The following CLEC5A variants were observed in gnomAD, a reference collection of about 807,000 sequenced individuals.
CLEC5A encodes C-type lectin domain containing 5A, also known as C-type lectin domain family 5 member A.
CLEC5A carries 15 observed loss-of-function variants against 24.4 expected under a neutral mutation model. The observed-to-expected ratio is 0.62, with a 90% CI of 0.41 to 0.95. The LOEUF (loss-of-function observed/expected upper bound fraction) is 0.95, where lower values mean the gene tolerates loss of function less well. Ranked by LOEUF, CLEC5A falls within the 40% of genes least tolerant of loss-of-function variation. The pLI is 0.00. For synonymous variants in CLEC5A, 71 were observed against 72.6 expected, an observed-to-expected ratio of 0.98 and a Z score of 0.11; for missense variants, 211 against 224.0, an observed-to-expected ratio of 0.94 and a Z score of 0.37.
chr7:141,930,965 T>C (rs1218458763), intron 6 of CLEC5A, among the ~76,000 whole-genome samples: 7 of 152,196 alleles, frequency 4.6e-5, no homozygotes, highest in Admixed American at 4.6e-4. Flanking sequence ...GGAAGCCCAG[T>C]TACAGGCTGG....
rs540126696 is a variant in CLEC5A, at chr7:141,944,934, G to A, written c.139+407C>T. ...GTTGATACTAAGATAAATGAGAAAC[G>A]GTCTTTCTCCTAACGATGTCAGTAG... is the stretch of plus-strand genomic sequence containing the variant. On this transcript the variant is annotated intron_variant, in intron 3 of 6. Transcript: ENST00000546910. Among the ~76,000 whole-genome samples, 4 of 152,168 alleles carry A rather than the reference G, an allele frequency of 2.6e-5. No individual in the cohort carries two copies. In the South Asian group the frequency reaches 8.3e-4, roughly 32 times the overall value.
rs529039128 is a variant in CLEC5A, at chr7:141,943,487, A to T, written c.208+409T>A. On this transcript the variant is annotated intron_variant, in intron 4 of 6. Coordinates refer to ENST00000546910, the MANE Select transcript of CLEC5A (RefSeq NM_013252.3). ...GGCTTGTTAATGGGTACTAAAAAAT[A>T]GAAAGAATAAATAAGATCTAGTATT... Among the ~76,000 whole-genome samples, 56 of 152,248 alleles carry T rather than the reference A, an allele frequency of 3.7e-4. 1 individual carries two copies. In the South Asian group the frequency reaches 0.011, roughly 31 times the overall value.
At chr7:141,945,479 G>C (rs1802925771) in intron 2 of CLEC5A, 79 bp from the exon 3 acceptor site, 1 of 948,696 alleles carries the variant, frequency 1.1e-6, no homozygotes, top group African/African-American at 1.6e-5. Flanking sequence ...CAGCACAGGG[G>C]CTGCTAGGGT....
At position 141,928,247 on chromosome 7, in the gene CLEC5A, T is replaced by TG. The variant is rs1207669504; in HGVS notation, c.*1856dup. ...CCTGCACAGAAGTGTCTCCTAATCT[T>TG]GGGGGAAATTAAACTGTCTACTAAA... On this transcript the variant is annotated 3_prime_UTR_variant, in exon 7 of 7. Coordinates refer to ENST00000546910, the MANE Select transcript of CLEC5A (RefSeq NM_013252.3). 2.0e-5 allele frequency: 3 copies of TG among 152,588 alleles called. No individual in the cohort carries two copies. Among genetic ancestry groups the TG allele is most frequent in the Admixed American group, 6.5e-5 (1 of 15,276 alleles). 9.5% of individuals were successfully genotyped at this position (152,588 alleles called of 1,614,324 possible).
chr7:141,946,344 T>G, intron 1 of CLEC5A, 32 bp from the exon 2 acceptor site: 6 of 1,543,272 alleles, frequency 3.9e-6, no homozygotes, highest in Non-Finnish European at 4.4e-6. Context: ...AGCATCAGAA[T>G]TCGGGTACAA....
intron 6 of CLEC5A, 92 bp downstream of exon 6, chr7:141,931,628 G>C: frequency 1.3e-6 from 1 of 765,080 alleles, no homozygotes; most frequent in Non-Finnish European, 2.4e-6. Context: ...AAGTGTCAGC[G>C]TTTGAGCTAT....
chr7:141,939,427 A>T (rs1180167065), intron 4 of CLEC5A, among the ~76,000 whole-genome samples: 1 of 152,142 alleles, frequency 6.6e-6, no homozygotes, highest in African/African-American at 2.4e-5. Flanking sequence ...AAAAATATAC[A>T]GTAGATATAT....
Position 141,943,893 on chromosome 7 carries a change from T to G in CLEC5A, c.208+3A>C, listed in dbSNP as rs1463575085. ...GGGAGTAGGTTGTAATCATGCACTT[T>G]ACCTGTTCCATAGCTCCTTGTGGTA... is the stretch of plus-strand genomic sequence containing the variant. On this transcript the variant is annotated splice_donor_region_variant and intron_variant, in intron 4 of 6. Transcript: ENST00000546910. 2 of 1,597,034 alleles carry G rather than the reference T, an allele frequency of 1.3e-6. No individual in the cohort carries two copies. The highest frequency in any genetic ancestry group is 3.3e-5 in the Admixed American group (2 of 59,954).
At chr7:141,946,570 G>C (rs1802964825) in intron 1 of CLEC5A, among the ~76,000 whole-genome samples, 1 of 152,134 alleles carries the variant, frequency 6.6e-6, no homozygotes, top group African/African-American at 2.4e-5. Context: ...TGCCCTATTT[G>C]TGGCCTCCTA....
At chr7:141,938,271 A>G (rs1418648104) in intron 4 of CLEC5A, among the ~76,000 whole-genome samples, 1 of 152,192 alleles carries the variant, frequency 6.6e-6, no homozygotes, top group Admixed American at 6.5e-5. Flanking sequence ...AAAGAAATTC[A>G]AGATAACACA....
intron 5 of CLEC5A, among the ~76,000 whole-genome samples, chr7:141,934,877 T>G (rs6943066): frequency 0.027 from 4,119 of 152,232 alleles, 179 homozygotes; most frequent in African/African-American, 0.094. Flanking sequence ...TACATGGATG[T>G]GTTTTGGTCA....
intron 4 of CLEC5A, among the ~76,000 whole-genome samples, chr7:141,937,603 CT>C (rs1554441260): frequency 6.6e-6 from 1 of 152,248 alleles, no homozygotes; most frequent in African/African-American, 2.4e-5. Context: ...GTGGAACTCA[CT>C]GCCCTGAAGG....
intron 4 of CLEC5A, 78 bp downstream of exon 4, chr7:141,943,818 G>A: frequency 9.9e-7 from 1 of 1,007,026 alleles, no homozygotes; most frequent in South Asian, 1.3e-5. Context: ...TAAGAATAAA[G>A]ACAATGGGAG....
At chr7:141,935,096 G>A (rs1172868163) in intron 5 of CLEC5A, among the ~76,000 whole-genome samples, 1 of 152,154 alleles carries the variant, frequency 6.6e-6, no homozygotes, top group Non-Finnish European at 1.5e-5. Context: ...GATTCAGAAA[G>A]GAGAAGTTCT....
intron 4 of CLEC5A, among the ~76,000 whole-genome samples, chr7:141,937,251 TG>T (rs2128961317): frequency 6.6e-6 from 1 of 152,016 alleles, no homozygotes; most frequent in African/African-American, 2.4e-5. Context: ...CCTTGACTCT[TG>T]GATAGCATTT....
intron 5 of CLEC5A, among the ~76,000 whole-genome samples, 156 bp downstream of exon 5, chr7:141,935,658 A>G (rs1802595813): frequency 6.6e-6 from 1 of 152,116 alleles, no homozygotes; most frequent in African/African-American, 2.4e-5. Flanking sequence ...AGAATCTCCT[A>G]ACCTCCAGTC....
intron 4 of CLEC5A, among the ~76,000 whole-genome samples, chr7:141,938,831 A>G (rs1170776753): frequency 6.6e-6 from 1 of 152,210 alleles, no homozygotes; most frequent in Non-Finnish European, 1.5e-5. Context: ...CCCCAAGTGG[A>G]AATCTTATAG....
chr7:141,939,840 G>C (rs1802734530), intron 4 of CLEC5A, among the ~76,000 whole-genome samples: 1 of 149,258 alleles, frequency 6.7e-6, no homozygotes, highest in African/African-American at 2.4e-5. Context: ...AAGACACAAA[G>C]GAGGTCACTG....
rs377135459 is a variant in CLEC5A, at chr7:141,930,167, C to T, written c.504G>A (p.Lys168=). 1 of 1,614,048 alleles carries T rather than the reference C, an allele frequency of 6.2e-7. No individual in the cohort carries two copies. The highest frequency in any genetic ancestry group is 1.3e-5 in the African/African-American group (1 of 74,932). ...NFNCATIGLT[K]TFDAASCDIS... ...TGTCACATGATGCAGCATCAAATGT[C>T]TTTGTTAGGCCAATGGTCGCACAGT... The change falls in exon 7 of 7, where the codon AAG becomes AAA. Residue 168 remains lysine (K), a synonymous_variant. Coordinates refer to ENST00000546910, the MANE Select transcript of CLEC5A (RefSeq NM_013252.3).
Sources: allele counts gnomAD v4.1 joint callset (sites outside exome capture counted in the v4.1 genomes callset), GRCh38; gene constraint gnomAD v4.1.1; transcripts MANE v1.5; gene names NCBI Gene and HGNC (gene_info 2026-07-23, HGNC 2026-07-21).